The following SLC4A8 variants were observed in gnomAD, a reference collection of about 807,000 sequenced individuals.
The protein encoded by SLC4A8 is solute carrier family 4 member 8.
In SLC4A8, 40 loss-of-function variants were observed where a neutral mutation model predicts 125.0. That is an observed-to-expected ratio of 0.32 (90% CI 0.25 to 0.42). The LOEUF (loss-of-function observed/expected upper bound fraction) is 0.42, where lower values mean the gene tolerates loss of function less well. Among genes scored for constraint, SLC4A8 ranks in the 10% least tolerant of loss-of-function variants. The probability of loss-of-function intolerance (pLI) is 1.00; values close to 1 mark genes in which losing one functional copy is unlikely to be tolerated. For missense variants in SLC4A8, 863 were observed against 1,355.1 expected (o/e 0.64, Z 5.70); for synonymous variants, 456 against 476.0 (o/e 0.96, Z 0.55).
At chr12:51,485,636 T>G in intron 16 of SLC4A8, 151 bp from the exon 17 acceptor site, 1 of 581,006 alleles carries the variant, frequency 1.7e-6, no homozygotes, top group East Asian at 2.8e-5. Context: ...GTTGGGCAAT[T>G]AACATATTCC....
intron 1 of SLC4A8, among the ~76,000 whole-genome samples, chr12:51,410,982 A>G (rs1592145942): frequency 7.3e-6 from 1 of 136,580 alleles, no homozygotes; most frequent in South Asian, 2.3e-4. Flanking sequence ...TCAAGCCATC[A>G]TCCCACCTCA....
chr12:51,452,128 A>G lies in SLC4A8; in HGVS notation c.282A>G (p.Thr94=). ...TCTCTTTGGTTGATTTCCTAGACAC[A>G]CCATCTCAGCGTGTTCAGTTCATTC... is the stretch of plus-strand genomic sequence containing the variant. The part of the protein sequence containing the change: ...EEGLEALAHD[T]PSQRVQFILG... The change falls in exon 4 of 25, where the codon ACA becomes ACG. Residue 94 remains threonine, a synonymous_variant. Transcript: ENST00000453097. The G allele has an allele frequency of 1.2e-6, 2 of 1,614,114 alleles. No homozygotes were observed. The highest frequency in any genetic ancestry group is 2.2e-5 in the South Asian group (2 of 91,076).
intron 11 of SLC4A8, among the ~76,000 whole-genome samples, chr12:51,465,054 CT>C (rs1399492341): frequency 1.3e-5 from 2 of 151,988 alleles, no homozygotes; most frequent in Non-Finnish European, 2.9e-5. Context: ...AAAACATTTT[CT>C]TTAAAGTTGG....
chr12:51,437,909 G>GT (rs143742444), intron 1 of SLC4A8, among the ~76,000 whole-genome samples: 2 of 152,098 alleles, frequency 1.3e-5, no homozygotes, highest in Non-Finnish European at 2.9e-5. Flanking sequence ...TCAGCTAAGA[G>GT]TTTTTTTGAA....
At chr12:51,455,936 G>A (rs1191264143) in intron 5 of SLC4A8, among the ~76,000 whole-genome samples, 1 of 152,198 alleles carries the variant, frequency 6.6e-6, no homozygotes, top group Non-Finnish European at 1.5e-5. Flanking sequence ...AAGAATCCCT[G>A]GGAGCTATTG....
rs1412325803 is a variant in SLC4A8, at chr12:51,510,288, A to T, written c.*2850A>T. 1 of 152,250 alleles carries T rather than the reference A, an allele frequency of 6.6e-6. No individual in the cohort carries two copies. The highest frequency in any genetic ancestry group is 1.5e-5 in the Non-Finnish European group (1 of 68,146). 9.4% of individuals were successfully genotyped at this position (152,250 alleles called of 1,614,324 possible). A position where few individuals can be genotyped will look rare whatever the true frequency, so the allele number is the denominator to read the frequency against. ...AAAAATACAAAAAAATTAGCTGGGCATGGTGGCGGGCGCCTGTAGTCCCAG... is the reference window on the plus strand; with the variant it reads ...AAAAATACAAAAAAATTAGCTGGGCTTGGTGGCGGGCGCCTGTAGTCCCAG... On this transcript the variant is annotated 3_prime_UTR_variant, in exon 25 of 25. Coordinates refer to ENST00000453097, the MANE Select transcript of SLC4A8 (RefSeq NM_001039960.3).
Position 51,508,016 on chromosome 12 carries a change from T to G in SLC4A8, c.*578T>G, listed in dbSNP as rs2138464681. 1 of 152,404 alleles carries G rather than the reference T, an allele frequency of 6.6e-6. No homozygotes were observed. The highest frequency in any genetic ancestry group is 1.9e-4 in the East Asian group (1 of 5,204). The allele number at this position is 152,404 out of a possible 1,614,324, so 9.4% of individuals were successfully genotyped here. ...TCAGCTACCAGGAAGATCCATGATC[T>G]GGGCATTGGCAGTGCCTGCCACCAC... On this transcript the variant is annotated 3_prime_UTR_variant, in exon 25 of 25. Coordinates refer to ENST00000453097, the MANE Select transcript of SLC4A8 (RefSeq NM_001039960.3).
chr12:51,440,640 A>G lies in SLC4A8; in HGVS notation c.49-68A>G. 7 of 1,218,388 alleles carry G rather than the reference A, an allele frequency of 5.7e-6. No individual in the cohort carries two copies. The South Asian group carries it at 6.9e-5, about 12-fold the overall frequency. 75.5% of individuals were successfully genotyped at this position (1,218,388 alleles called of 1,614,324 possible). ...CGTAAGTATCTCAAAAGGATCTGGCATACACAAGGTTTGTATATTTGAACG... is the reference window on the plus strand; with the variant it reads ...CGTAAGTATCTCAAAAGGATCTGGCGTACACAAGGTTTGTATATTTGAACG... On this transcript the variant is annotated intron_variant, in intron 1 of 24. Transcript: ENST00000453097.
intron 11 of SLC4A8, among the ~76,000 whole-genome samples, chr12:51,466,945 GT>G: frequency 5.2e-4 from 1 of 1,916 alleles, no homozygotes; most frequent in Non-Finnish European, 2.8e-3. Context: ...CTCAGAGTAT[GT>G]GTGTGTGTGT....
In SLC4A8 at chr12:51,507,984, CAGG is replaced by C. The variant is rs1396229531; in HGVS notation, c.*550_*552del. On this transcript the variant is annotated 3_prime_UTR_variant, in exon 25 of 25. Coordinates refer to ENST00000453097, the MANE Select transcript of SLC4A8 (RefSeq NM_001039960.3). ...GATGCTGGTCAGACCCAGAGGTTGTCAGGAGGTCAGCTACCAGGAAGATCCATG... is the reference window on the plus strand; with the variant it reads ...GATGCTGGTCAGACCCAGAGGTTGTCAGGTCAGCTACCAGGAAGATCCATG... The C allele has an allele frequency of 2.0e-5, 3 of 152,394 alleles. No individual in the cohort carries two copies. Among genetic ancestry groups the C allele is most frequent in the African/African-American group, 7.2e-5 (3 of 41,466 alleles). 9.4% of individuals were successfully genotyped at this position (152,394 alleles called of 1,614,324 possible).
chr12:51,499,039 A>G (rs1425108864), intron 22 of SLC4A8, among the ~76,000 whole-genome samples: 2 of 151,636 alleles, frequency 1.3e-5, no homozygotes, highest in African/African-American at 4.8e-5. Context: ...AAAGTAGCCA[A>G]GTATGTTGGC....
At chr12:51,411,724 A>C (rs1948601396) in intron 1 of SLC4A8, among the ~76,000 whole-genome samples, 1 of 152,104 alleles carries the variant, frequency 6.6e-6, no homozygotes. Flanking sequence ...GTTTGGTTCT[A>C]GTCTTCTGCA....
chr12:51,410,897 C>A, intron 1 of SLC4A8, among the ~76,000 whole-genome samples: 1 of 124,684 alleles, frequency 8.0e-6, no homozygotes, highest in African/African-American at 3.1e-5. Flanking sequence ...TTTTTTGAGA[C>A]AGGCTCTCAC....
rs1328751711 is a variant in SLC4A8, at chr12:51,512,381, T to C, written c.*4943T>C. 6.6e-6 allele frequency: 1 copy of C among 152,194 alleles called. No homozygotes were observed. Among genetic ancestry groups the C allele is most frequent in the Non-Finnish European group, 1.5e-5 (1 of 68,040 alleles). 9.4% of individuals were successfully genotyped at this position (152,194 alleles called of 1,614,324 possible). The stretch of plus-strand genomic sequence containing the variant: ...GTTTCCTTTGGCCGGGTCTGTTAGT[T>C]ACTTTTGAAGGCCATGCCAACCCTT... On this transcript the variant is annotated 3_prime_UTR_variant, in exon 25 of 25. Transcript: ENST00000453097.
At chr12:51,495,706 T>A (rs1951444775) in intron 21 of SLC4A8, among the ~76,000 whole-genome samples, 1 of 152,024 alleles carries the variant, frequency 6.6e-6, no homozygotes, top group African/African-American at 2.4e-5. Flanking sequence ...GGTCTCAAAC[T>A]TCTGACCTCA....
intron 24 of SLC4A8, among the ~76,000 whole-genome samples, chr12:51,506,789 G>A (rs772126495): frequency 5.3e-5 from 8 of 152,194 alleles, no homozygotes; most frequent in South Asian, 2.1e-4. Context: ...TAATAGCATA[G>A]ATCAACCTTA....
intron 1 of SLC4A8, among the ~76,000 whole-genome samples, chr12:51,434,855 A>G (rs1949350200): frequency 6.6e-6 from 1 of 152,182 alleles, no homozygotes; most frequent in African/African-American, 2.4e-5. Context: ...ATTTATTTAT[A>G]TAGTTTTATG....
At chr12:51,498,615 T>C (rs1937678427) in intron 22 of SLC4A8, among the ~76,000 whole-genome samples, 1 of 149,948 alleles carries the variant, frequency 6.7e-6, no homozygotes, top group Admixed American at 6.7e-5. Flanking sequence ...GCGCGGTGGC[T>C]CATGCCTATA....
intron 10 of SLC4A8, 77 bp from the exon 11 acceptor site, chr12:51,463,537 C>T: frequency 1.9e-6 from 2 of 1,080,676 alleles, no homozygotes; most frequent in South Asian, 1.3e-5. Flanking sequence ...TTGGGTTATC[C>T]CATTCCCACT....
Sources: allele counts gnomAD v4.1 joint callset (sites outside exome capture counted in the v4.1 genomes callset), GRCh38; gene constraint gnomAD v4.1.1; transcripts MANE v1.5; gene names NCBI Gene and HGNC (gene_info 2026-07-23, HGNC 2026-07-21).